The following FRMD4A variants were observed in gnomAD, a reference collection of about 807,000 sequenced individuals.
FRMD4A encodes the protein FERM domain-containing protein 4A.
A neutral mutation model predicts 129.1 loss-of-function variants in FRMD4A; 29 were observed. The ratio of observed to expected loss-of-function variants is 0.22; its 90% CI spans 0.17 to 0.31. The LOEUF is 0.31. Among genes scored for constraint, FRMD4A ranks in the 10% least tolerant of loss-of-function variants. The pLI is 1.00. For synonymous variants in FRMD4A, 634 were observed against 571.6 expected, an observed-to-expected ratio of 1.11 and a Z score of -1.56; for missense variants, 1,272 against 1,375.8, an observed-to-expected ratio of 0.92 and a Z score of 1.19.
intron 13 of FRMD4A, among the ~76,000 whole-genome samples, chr10:13,706,380 T>C (rs2087440505): frequency 6.6e-6 from 1 of 152,156 alleles, no homozygotes; most frequent in African/African-American, 2.4e-5. Flanking sequence ...TGGGGCTCCC[T>C]GCATTCCAAC....
chr10:13,993,686 G>T (rs1225459831), intron 2 of FRMD4A, among the ~76,000 whole-genome samples: 3 of 152,186 alleles, frequency 2.0e-5, no homozygotes, highest in South Asian at 2.1e-4. Context: ...TAGACCAGAG[G>T]TTCAGTTGCT....
chr10:13,957,602 A>C (rs1254180687), intron 2 of FRMD4A, among the ~76,000 whole-genome samples: 1 of 152,114 alleles, frequency 6.6e-6, no homozygotes, highest in African/African-American at 2.4e-5. Context: ...GAGTCCAGAG[A>C]AAAAGGAGGA....
At chr10:14,037,659 TAAAAA>T (rs5783380) in intron 2 of FRMD4A, among the ~76,000 whole-genome samples, 1 of 151,836 alleles carries the variant, frequency 6.6e-6, no homozygotes. Context: ...CATGTGTATT[TAAAAA>T]AAAAATTAGA....
At chr10:14,113,026 G>T (rs899808882) in intron 2 of FRMD4A, among the ~76,000 whole-genome samples, 3 of 152,112 alleles carry the variant, frequency 2.0e-5, no homozygotes, top group African/African-American at 7.2e-5. Flanking sequence ...GGAGCTTGGG[G>T]ACCTAGTACA....
intron 2 of FRMD4A, among the ~76,000 whole-genome samples, chr10:14,107,009 C>T (rs1247375890): frequency 1.3e-5 from 2 of 152,192 alleles, no homozygotes; most frequent in African/African-American, 2.4e-5. Flanking sequence ...CTATGGAATA[C>T]TATGCAGCCA....
chr10:14,072,736 A>G (rs944661139), intron 2 of FRMD4A, among the ~76,000 whole-genome samples: 1 of 152,202 alleles, frequency 6.6e-6, no homozygotes, highest in Admixed American at 6.5e-5. Context: ...TTTGTCTGCA[A>G]TCATTTCCCA....
chr10:14,138,097 A>C (rs1839640003), intron 2 of FRMD4A, among the ~76,000 whole-genome samples: 2 of 152,228 alleles, frequency 1.3e-5, no homozygotes, highest in Non-Finnish European at 2.9e-5. Context: ...ACCTAAAAGG[A>C]ATGGAAAATG....
intron 2 of FRMD4A, among the ~76,000 whole-genome samples, chr10:14,221,508 C>G (rs1468119185): frequency 6.6e-6 from 1 of 152,120 alleles, no homozygotes; most frequent in East Asian, 1.9e-4. Context: ...TTTTTCAAAA[C>G]CAAATTGGTT....
chr10:13,961,727 G>A (rs1384106861), intron 2 of FRMD4A, among the ~76,000 whole-genome samples: 6 of 152,132 alleles, frequency 3.9e-5, no homozygotes, highest in Non-Finnish European at 8.8e-5. Flanking sequence ...TGTCCTCAAA[G>A]CATTGACCTC....
At chr10:13,946,466 A>C (rs759071356) in intron 2 of FRMD4A, among the ~76,000 whole-genome samples, 4 of 152,180 alleles carry the variant, frequency 2.6e-5, no homozygotes, top group Non-Finnish European at 5.9e-5. Context: ...TATTTACCTA[A>C]TGCAACTTTC....
At chr10:14,201,434 C>A (rs1842634185) in intron 2 of FRMD4A, among the ~76,000 whole-genome samples, 2 of 152,158 alleles carry the variant, frequency 1.3e-5, no homozygotes, top group Non-Finnish European at 2.9e-5. Flanking sequence ...GGGGGCATTG[C>A]AAAGAGAACT....
chr10:14,199,968 G>T (rs1842586652), intron 2 of FRMD4A, among the ~76,000 whole-genome samples: 1 of 149,862 alleles, frequency 6.7e-6, no homozygotes, highest in South Asian at 2.1e-4. Flanking sequence ...TGTTTACATT[G>T]TGGAATGATT....
chr10:13,755,701 A>G (rs1011249705), intron 8 of FRMD4A, among the ~76,000 whole-genome samples: 1 of 152,186 alleles, frequency 6.6e-6, no homozygotes, highest in African/African-American at 2.4e-5. Flanking sequence ...TTTTGTTTTA[A>G]AGAAACAGAA....
intron 2 of FRMD4A, among the ~76,000 whole-genome samples, chr10:14,098,813 C>G (rs1264386264): frequency 2.0e-5 from 3 of 152,194 alleles, no homozygotes; most frequent in African/African-American, 7.2e-5. Context: ...GAGACCTTCG[C>G]TCACACCATG....
At chr10:14,143,973 GC>G (rs1048526053) in intron 2 of FRMD4A, among the ~76,000 whole-genome samples, 2 of 152,110 alleles carry the variant, frequency 1.3e-5, no homozygotes, top group Non-Finnish European at 2.9e-5. Flanking sequence ...GAAAAATGGA[GC>G]AAAATGTTGA....
At chr10:14,078,114 G>A (rs1354936067) in intron 2 of FRMD4A, among the ~76,000 whole-genome samples, 1 of 152,202 alleles carries the variant, frequency 6.6e-6, no homozygotes, top group East Asian at 1.9e-4. Context: ...GCATCTCATT[G>A]CAAGGGACCA....
At chr10:14,217,612 CAGA>C (rs1843115213) in intron 2 of FRMD4A, among the ~76,000 whole-genome samples, 2 of 152,080 alleles carry the variant, frequency 1.3e-5, no homozygotes, top group Admixed American at 6.5e-5. Context: ...AGCATGAAAA[CAGA>C]AGAATTCAAC....
chr10:13,823,611 A>T (rs1358405155), intron 3 of FRMD4A, among the ~76,000 whole-genome samples: 1 of 152,186 alleles, frequency 6.6e-6, no homozygotes, highest in Non-Finnish European at 1.5e-5. Flanking sequence ...GTTAAAAGAA[A>T]GCCTGCCCTG....
chr10:13,658,501 C>T (rs910789273), intron 21 of FRMD4A, among the ~76,000 whole-genome samples: 3 of 152,210 alleles, frequency 2.0e-5, no homozygotes, highest in Non-Finnish European at 4.4e-5. Flanking sequence ...CAGGAAGAGG[C>T]GAGTCCCACT....
Sources: allele counts gnomAD v4.1 joint callset (sites outside exome capture counted in the v4.1 genomes callset), GRCh38; gene constraint gnomAD v4.1.1; transcripts MANE v1.5; gene names NCBI Gene and HGNC (gene_info 2026-07-23, HGNC 2026-07-21).